The following A4GALT variants were observed in gnomAD, a reference collection of about 807,000 sequenced individuals.
A4GALT encodes the protein alpha 1,4-galactosyltransferase (P1PK blood group), also known as lactosylceramide 4-alpha-galactosyltransferase.
For synonymous variants in A4GALT, 257 were observed against 220.7 expected (o/e 1.16, Z -1.46); for missense variants, 512 against 486.0 (o/e 1.05, Z -0.50).
intron 1 of A4GALT, among the ~76,000 whole-genome samples, chr22:42,718,996 C>T (rs1032056836): frequency 6.6e-6 from 1 of 152,182 alleles, no homozygotes; most frequent in Non-Finnish European, 1.5e-5. Context: ...CCAGTGGCCC[C>T]GTGGCCAGGT....
At position 42,706,151 on chromosome 22, in the gene A4GALT, C is replaced by A. The variant is rs573467476; in HGVS notation, c.-187-10520G>T. Among the ~76,000 whole-genome samples the A allele has an allele frequency of 4.8e-4, 36 of 74,290 alleles. 5 individuals carry two copies. In the East Asian group the frequency reaches 5.8e-3, roughly 12 times the overall value. 48.7% of individuals were successfully genotyped at this position (74,290 alleles called of 152,430 possible). A position where few individuals can be genotyped will look rare whatever the true frequency, so the allele number is the denominator to read the frequency against. On this transcript the variant is annotated intron_variant, in intron 1 of 2. Transcript: ENST00000642412. Reference sequence around the variant, plus strand: ...CGGGCGGATCACGAGGTCAGGAGATCGAGACCATCCTGGCTAACACGGTGA... The same window carrying A: ...CGGGCGGATCACGAGGTCAGGAGATAGAGACCATCCTGGCTAACACGGTGA...
rs781421948 is a variant in A4GALT, at chr22:42,693,524, G to A, written c.428C>T (p.Pro143Leu). Residue 143 changes from proline (P) to leucine (L), a missense_variant, in exon 3 of 3, where the codon CCG (proline) becomes CTG (leucine). Physicochemically the swap from Pro to Leu is moderately conservative, Grantham distance 98. Transcript: ENST00000642412. ...CCGGAACAGCTCCCGCAGGTCCAGC[G>A]GGAGCATCTGGACATTCGGGAAGCA... ...LSCFPNVQMLPLDLRELFRDT... is the reference protein window; with the variant it reads ...LSCFPNVQMLLLDLRELFRDT... 6.2e-6 allele frequency: 10 copies of A among 1,613,172 alleles called. No homozygotes were observed. The highest frequency in any genetic ancestry group is 3.3e-4 in the Middle Eastern group (2 of 6,084).
intron 1 of A4GALT, among the ~76,000 whole-genome samples, chr22:42,710,148 T>A (rs553917219): frequency 1.3e-5 from 2 of 152,216 alleles, no homozygotes; most frequent in Non-Finnish European, 2.9e-5. Context: ...ATACTGGGTG[T>A]ATTTATCAGA....
intron 1 of A4GALT, among the ~76,000 whole-genome samples, chr22:42,712,421 C>T (rs914589453): frequency 1.3e-5 from 2 of 152,196 alleles, no homozygotes; most frequent in African/African-American, 2.4e-5. Flanking sequence ...ACTTGCTATG[C>T]GCAGAGATCC....
Position 42,703,057 on chromosome 22 carries a change from C to CTCTGTGTGTGTGTGTG in A4GALT, c.-187-7427_-187-7426insCACACACACACACAGA, listed in dbSNP as rs753250465. Among the ~76,000 whole-genome samples, 126 of 134,416 alleles carry CTCTGTGTGTGTGTGTG rather than the reference C, an allele frequency of 9.4e-4. 3 individuals carry two copies. The highest frequency in any genetic ancestry group is 3.8e-3 in the African/African-American group (117 of 31,030). 88.2% of individuals were successfully genotyped at this position (134,416 alleles called of 152,430 possible). ...GCCTTGGCTGGCACATGCTGCCCTG[C>CTCTGTGTGTGTGTGTG]TGTGTGTGTGTGTGTGTGTGTGTGT... On this transcript the variant is annotated intron_variant, in intron 1 of 2. Transcript: ENST00000642412.
At chr22:42,719,117 C>T (rs1412291153) in intron 1 of A4GALT, among the ~76,000 whole-genome samples, 1 of 152,172 alleles carries the variant, frequency 6.6e-6, no homozygotes, top group African/African-American at 2.4e-5. Flanking sequence ...GGTCCCAGGG[C>T]CCATCACACG....
chr22:42,705,731 G>T (rs144649022), intron 1 of A4GALT, among the ~76,000 whole-genome samples: 1 of 124,850 alleles, frequency 8.0e-6, no homozygotes, highest in Non-Finnish European at 1.9e-5. Context: ...GGCCAGGTGC[G>T]GTGGCTCACA....
intron 1 of A4GALT, among the ~76,000 whole-genome samples, chr22:42,716,906 A>T (rs945752391): frequency 1.3e-5 from 2 of 152,168 alleles, no homozygotes; most frequent in Non-Finnish European, 2.9e-5. Context: ...ACAGGTGAAG[A>T]CAGACACTCT....
At chr22:42,697,092 TTGTTCAGCTCTGAAATGGTAGAACGG>T (rs1930987941) in intron 1 of A4GALT, among the ~76,000 whole-genome samples, 1 of 152,182 alleles carries the variant, frequency 6.6e-6, no homozygotes, top group South Asian at 2.1e-4. Flanking sequence ...GTTTTGTGTT[TTGTTCAGCTCTGAAATGGTAGAACGG>T]TGTCCAGCTC....
chr22:42,714,166 T>G (rs1326333514), intron 1 of A4GALT, among the ~76,000 whole-genome samples: 2 of 148,466 alleles, frequency 1.3e-5, no homozygotes, highest in African/African-American at 2.5e-5. Flanking sequence ...TCCTAGCTAT[T>G]CAGGAAACTG....
intron 1 of A4GALT, among the ~76,000 whole-genome samples, chr22:42,707,421 C>T (rs1470918073): frequency 6.6e-5 from 10 of 151,476 alleles, no homozygotes; most frequent in Non-Finnish European, 7.4e-5. Context: ...TTTGAGAGGC[C>T]GAGGCAGTCG....
Position 42,693,279 on chromosome 22 carries a change from G to A in A4GALT, c.673C>T (p.Arg225Cys), listed in dbSNP as rs754189348. 13 of 1,612,850 alleles carry A rather than the reference G, an allele frequency of 8.1e-6. No individual in the cohort carries two copies. In the East Asian group the frequency reaches 2.7e-4, roughly 33 times the overall value. ...VLNGAFLAFE[R>C]RHEFMALCMR... ...CACAGCGCCATGAACTCGTGCCGGC[G>A]CTCGAAGGCCAGGAACGCGCCGTTG... Residue 225 changes from arginine to cysteine, a missense_variant, in exon 3 of 3, where the codon CGC (arginine) becomes TGC (cysteine). Transcript: ENST00000642412.
chr22:42,716,979 T>C (rs1010364974), intron 1 of A4GALT, among the ~76,000 whole-genome samples: 1 of 152,148 alleles, frequency 6.6e-6, no homozygotes, highest in Non-Finnish European at 1.5e-5. Context: ...CTGCACAGCG[T>C]GACCGCAGAA....
At chr22:42,703,928 C>T (rs546673170) in intron 1 of A4GALT, among the ~76,000 whole-genome samples, 21 of 152,280 alleles carry the variant, frequency 1.4e-4, no homozygotes, top group Admixed American at 1.0e-3. Flanking sequence ...GATTTGGCAA[C>T]GTGACCTTGG....
chr22:42,702,724 G>A (rs1245247975), intron 1 of A4GALT, among the ~76,000 whole-genome samples: 1 of 116,628 alleles, frequency 8.6e-6, no homozygotes, highest in Non-Finnish European at 1.6e-5. Context: ...TGGTTTTGGG[G>A]AGGGGACGTA....
intron 2 of A4GALT, chr22:42,694,864 C>T (rs1165337882): frequency 6.6e-6 from 1 of 152,192 alleles, no homozygotes; most frequent in Non-Finnish European, 1.5e-5. Flanking sequence ...CCATCCTGTC[C>T]ATGCCAGGTG....
chr22:42,708,545 A>AGAAGGAAGGAAG (rs560108193), intron 1 of A4GALT, among the ~76,000 whole-genome samples: 24,127 of 116,292 alleles, frequency 0.21, 3,010 homozygotes, highest in Middle Eastern at 0.26. Context: ...GAGGAAAGAG[A>AGAAGGAAGGAAG]GAAGGAAGGA....
rs557234762 is a variant in A4GALT at position 42,708,983 on chromosome 22, G to A, written c.-188+11814C>T. On this transcript the variant is annotated intron_variant, in intron 1 of 2. Coordinates refer to ENST00000642412, the MANE Select transcript of A4GALT (RefSeq NM_017436.7). Reference sequence around the variant, plus strand: ...CAAAACATTTTGGGAGGGAATCCTGGAAAACTCAGAAATAACAGATAATGT... The same window carrying A: ...CAAAACATTTTGGGAGGGAATCCTGAAAAACTCAGAAATAACAGATAATGT... 2.0e-3 allele frequency among the ~76,000 whole-genome samples: 307 copies of A among 150,868 alleles called. 1 individual carries two copies. The highest frequency in any genetic ancestry group is 7.1e-3 in the African/African-American group (293 of 41,240).
chr22:42,715,936 G>A (rs926196621), intron 1 of A4GALT, among the ~76,000 whole-genome samples: 5 of 151,326 alleles, frequency 3.3e-5, no homozygotes, highest in Admixed American at 6.6e-5. Context: ...GCGTTCAAGC[G>A]ATTCTTCTGC....
Sources: gnomAD v4.1 joint callset for allele counts (sites outside exome capture counted in the v4.1 genomes callset) on GRCh38, gnomAD v4.1.1 for gene constraint, MANE v1.5 for transcripts, NCBI Gene and HGNC (gene_info 2026-07-23, HGNC 2026-07-21) for gene names.